Variants in GLI3 observed in about 807,000 individuals in gnomAD.
The protein encoded by GLI3 is transcription activator GLI3.
GLI3 carries 20 observed loss-of-function variants against 100.8 expected under a neutral mutation model. The observed-to-expected ratio is 0.20, with a 90% CI of 0.14 to 0.29. GLI3 has a LOEUF of 0.29. Ranked by LOEUF, GLI3 falls within the 10% of genes least tolerant of loss-of-function variation. The probability of loss-of-function intolerance (pLI) is 1.00; values close to 1 mark genes in which losing one functional copy is unlikely to be tolerated. For missense variants in GLI3, 2,040 were observed against 2,128.5 expected (o/e 0.96, Z 0.82); for synonymous variants, 938 against 860.5 (o/e 1.09, Z -1.58).
intron 2 of GLI3, among the ~76,000 whole-genome samples, chr7:42,178,066 G>A (rs975832191): frequency 1.3e-5 from 2 of 152,224 alleles, no homozygotes; most frequent in African/African-American, 4.8e-5. Context: ...GTGCTATTCA[G>A]CTGAGAATCT....
At chr7:41,999,415 T>C (rs1307520476) in intron 10 of GLI3, among the ~76,000 whole-genome samples, 2 of 152,224 alleles carry the variant, frequency 1.3e-5, no homozygotes, top group Non-Finnish European at 2.9e-5. Flanking sequence ...TTGATACTAT[T>C]GCTTTTCATT....
At chr7:42,180,575 G>C (rs1203116446) in intron 2 of GLI3, among the ~76,000 whole-genome samples, 1 of 152,190 alleles carries the variant, frequency 6.6e-6, no homozygotes. Flanking sequence ...CCTGGAAAAG[G>C]CTGGAGGGTA....
chr7:42,139,553 C>A (rs1453122980), intron 3 of GLI3, among the ~76,000 whole-genome samples: 1 of 152,146 alleles, frequency 6.6e-6, no homozygotes, highest in African/African-American at 2.4e-5. Context: ...GTGGCACATG[C>A]CTGTAATCCC....
At chr7:42,025,535 T>C (rs541319060) in intron 8 of GLI3, among the ~76,000 whole-genome samples, 158 bp from the exon 9 acceptor site, 1 of 152,364 alleles carries the variant, frequency 6.6e-6, no homozygotes, top group Non-Finnish European at 1.5e-5. Context: ...AGAGTTCAGA[T>C]AGTATGTTCA....
intron 10 of GLI3, among the ~76,000 whole-genome samples, chr7:41,999,520 T>G (rs1438485325): frequency 2.0e-5 from 3 of 152,136 alleles, no homozygotes; most frequent in African/African-American, 7.2e-5. Context: ...GTGGTTATTC[T>G]TGCCCTCATC....
intron 2 of GLI3, among the ~76,000 whole-genome samples, chr7:42,210,942 C>T (rs1452320012): frequency 6.6e-6 from 1 of 152,216 alleles, no homozygotes; most frequent in African/African-American, 2.4e-5. Context: ...ACTGCACCAG[C>T]CTGTTTAATC....
At chr7:42,136,747 G>T (rs777271666) in intron 3 of GLI3, among the ~76,000 whole-genome samples, 40 of 152,306 alleles carry the variant, frequency 2.6e-4, no homozygotes, top group Middle Eastern at 3.4e-3. Flanking sequence ...TAAGAACAAA[G>T]CCTGGACACC....
intron 10 of GLI3, among the ~76,000 whole-genome samples, chr7:41,981,468 G>T (rs1350692817): frequency 1.3e-5 from 2 of 152,234 alleles, no homozygotes; most frequent in African/African-American, 4.8e-5. Context: ...AAGGGAGCAG[G>T]GGTGGCTAAG....
chr7:42,032,511 T>G (rs896844880), intron 7 of GLI3, among the ~76,000 whole-genome samples: 1 of 152,178 alleles, frequency 6.6e-6, no homozygotes, highest in Non-Finnish European at 1.5e-5. Context: ...CTACTATACA[T>G]ATAGGCACTT....
intron 3 of GLI3, among the ~76,000 whole-genome samples, chr7:42,103,031 A>G (rs1030933641): frequency 2.0e-5 from 3 of 152,156 alleles, no homozygotes; most frequent in Non-Finnish European, 4.4e-5. Flanking sequence ...ACACTTTTGG[A>G]GGGTAGAGAA....
chr7:42,160,103 C>T (rs1787097691), intron 2 of GLI3, among the ~76,000 whole-genome samples: 1 of 152,168 alleles, frequency 6.6e-6, no homozygotes, highest in African/African-American at 2.4e-5. Context: ...GTAAAACTTG[C>T]CCCTCTTACT....
chr7:42,228,115 G>A (rs12701951), intron 1 of GLI3, among the ~76,000 whole-genome samples: 41,999 of 151,996 alleles, frequency 0.28, 6,848 homozygotes, highest in Middle Eastern at 0.47. Flanking sequence ...CGGGCGCGCC[G>A]GGCCCGCGCA....
At chr7:42,160,590 T>C (rs1175286123) in intron 2 of GLI3, among the ~76,000 whole-genome samples, 1 of 152,206 alleles carries the variant, frequency 6.6e-6, no homozygotes, top group East Asian at 1.9e-4. Flanking sequence ...AAGTTTCAGA[T>C]TTGGAAGCAT....
intron 1 of GLI3, among the ~76,000 whole-genome samples, chr7:42,243,806 G>A (rs1316425726): frequency 6.6e-6 from 1 of 152,124 alleles, no homozygotes; most frequent in Non-Finnish European, 1.5e-5. Context: ...ACCTGTGAAA[G>A]TGTGATTGAT....
chr7:42,100,923 G>A (rs1785447693), intron 3 of GLI3, among the ~76,000 whole-genome samples: 1 of 152,160 alleles, frequency 6.6e-6, no homozygotes, highest in African/African-American at 2.4e-5. Flanking sequence ...CCAATACCTT[G>A]ATTTTGGACT....
Position 42,145,930 on chromosome 7 carries a change from T to C in GLI3, c.367+2296A>G, listed in dbSNP as rs1324577201. 2.0e-5 allele frequency among the ~76,000 whole-genome samples: 3 copies of C among 152,262 alleles called. No individual in the cohort carries two copies. The East Asian group carries it at 5.8e-4, about 29-fold the overall frequency. Reference sequence around the variant, plus strand: ...CCCTATCCCACAGTGAGGAAAGGATTCCTAGAGGGATCAGCACACTTGTCA... The same window carrying C: ...CCCTATCCCACAGTGAGGAAAGGATCCCTAGAGGGATCAGCACACTTGTCA... On this transcript the variant is annotated intron_variant, in intron 3 of 14. Coordinates refer to ENST00000395925, the MANE Select transcript of GLI3 (RefSeq NM_000168.6).
In GLI3 at chr7:41,964,191, A is replaced by G. The variant is rs1309966883; in HGVS notation, c.*139T>C. 5.9e-6 allele frequency: 4 copies of G among 678,882 alleles called. No homozygotes were observed. Among genetic ancestry groups the G allele is most frequent in the Non-Finnish European group, 1.0e-5 (4 of 393,556 alleles). The allele number at this position is 678,882 out of a possible 1,614,324, so 42.1% of individuals were successfully genotyped here. ...CAGAGTCCTTTTCCATAAAAGGAAT[A>G]TAATTGAAACACATCTCAGTTAGGT... On this transcript the variant is annotated 3_prime_UTR_variant, in exon 15 of 15. Coordinates refer to ENST00000395925, the MANE Select transcript of GLI3 (RefSeq NM_000168.6).
intron 2 of GLI3, among the ~76,000 whole-genome samples, chr7:42,167,200 A>G (rs970840695): frequency 3.9e-5 from 6 of 152,142 alleles, no homozygotes; most frequent in Admixed American, 6.5e-5. Flanking sequence ...CTATTCATCA[A>G]CTTAAGGCTG....
chr7:41,976,460 GAACC>G (rs1443785988), intron 12 of GLI3, among the ~76,000 whole-genome samples: 1 of 152,164 alleles, frequency 6.6e-6, no homozygotes, highest in Non-Finnish European at 1.5e-5. Context: ...AACATGGTGA[GAACC>G]ATCTTTGCCA....
Sources: allele counts gnomAD v4.1 joint callset (sites outside exome capture counted in the v4.1 genomes callset), GRCh38; gene constraint gnomAD v4.1.1; transcripts MANE v1.5; gene names NCBI Gene and HGNC (gene_info 2026-07-23, HGNC 2026-07-21).